Variants in DESI2 observed in about 807,000 individuals in gnomAD.
DESI2 encodes desumoylating isopeptidase 2.
A neutral mutation model predicts 24.1 loss-of-function variants in DESI2; 10 were observed. The observed-to-expected ratio is 0.41, with a 90% confidence interval of 0.26 to 0.70. The LOEUF (loss-of-function observed/expected upper bound fraction) is 0.70, where lower values mean the gene tolerates loss of function less well. Ranked by LOEUF, DESI2 falls within the 30% of genes least tolerant of loss-of-function variation. The probability of loss-of-function intolerance (pLI) is 0.29; values close to 1 mark genes in which losing one functional copy is unlikely to be tolerated. For synonymous variants in DESI2, 71 were observed against 87.7 expected (o/e 0.81, Z 1.06); for missense variants, 122 against 234.9 (o/e 0.52, Z 3.14).
Position 244,689,486 on chromosome 1 carries a change from C to G in DESI2, c.209+144C>G. On this transcript the variant is annotated intron_variant, in intron 3 of 4. Transcript: ENST00000302550. The surrounding 1 kb of genome is among the most constrained non-coding windows in gnomAD (Gnocchi z 4.0). ...TTAATTGCTGACATTTTATATAACT[C>G]AAGTTTGCCTCAGGAAACTCATTTC... 1 of 548,130 alleles carries G rather than the reference C, an allele frequency of 1.8e-6. No individual in the cohort carries two copies. Among genetic ancestry groups the G allele is most frequent in the African/African-American group, 2.0e-5 (1 of 50,670 alleles). The allele number at this position is 548,130 out of a possible 1,614,324, so 34.0% of individuals were successfully genotyped here.
chr1:244,695,076 T>C (rs1178932300), intron 4 of DESI2, among the ~76,000 whole-genome samples: 1 of 152,244 alleles, frequency 6.6e-6, no homozygotes, highest in Admixed American at 6.5e-5. Context: ...TTCATTTCTC[T>C]AAGCTGCCAT....
rs1676932562 is a variant in DESI2, at chr1:244,689,194, T to C, written c.116-55T>C. The C allele has an allele frequency of 1.2e-5, 10 of 866,686 alleles. No homozygotes were observed. Among genetic ancestry groups the C allele is most frequent in the Non-Finnish European group, 1.9e-5 (10 of 514,746 alleles). The allele number at this position is 866,686 out of a possible 1,614,324, so 53.7% of individuals were successfully genotyped here. ...CTCAATTATTAAAGCTAATTCAGCATTCTGGTTAAATTTTATGTGATACAT... is the reference window on the plus strand; with the variant it reads ...CTCAATTATTAAAGCTAATTCAGCACTCTGGTTAAATTTTATGTGATACAT... On this transcript the variant is annotated intron_variant, in intron 2 of 4. Transcript: ENST00000302550. This position sits in a 1 kb window ranked among gnomAD's most constrained non-coding sequence, Gnocchi z 4.0.
At chr1:244,704,474 A>G (rs573629821) in intron 4 of DESI2, among the ~76,000 whole-genome samples, 17 of 152,314 alleles carry the variant, frequency 1.1e-4, no homozygotes, top group Admixed American at 1.0e-3. Context: ...TCCTAAGGAC[A>G]GTATAAGGAC....
intron 1 of DESI2, 129 bp downstream of exon 1, chr1:244,653,484 C>G (rs1425116774): frequency 4.2e-6 from 4 of 941,204 alleles, no homozygotes; most frequent in Non-Finnish European, 6.2e-6. Flanking sequence ...TCGGGGGAAG[C>G]CGGGGGTGAA....
intron 4 of DESI2, among the ~76,000 whole-genome samples, chr1:244,700,086 C>G (rs997331073): frequency 2.6e-5 from 4 of 152,170 alleles, no homozygotes; most frequent in South Asian, 2.1e-4. Context: ...GGAGTGGAAA[C>G]CTGTTTTCCT....
chr1:244,673,608 T>G (rs1377951510), intron 1 of DESI2, among the ~76,000 whole-genome samples: 1 of 152,226 alleles, frequency 6.6e-6, no homozygotes, highest in Non-Finnish European at 1.5e-5. Context: ...TTCAAGAAAC[T>G]AATTGGACTG....
chr1:244,694,775 C>T, intron 4 of DESI2: 7 of 570,564 alleles, frequency 1.2e-5, no homozygotes, highest in South Asian at 2.1e-5. Context: ...AGAACACAGC[C>T]ATGCTTATTT....
chr1:244,654,569 A>T (rs1019666476), intron 1 of DESI2, among the ~76,000 whole-genome samples: 2 of 152,192 alleles, frequency 1.3e-5, no homozygotes, highest in African/African-American at 2.4e-5. Context: ...GTGAGCCTGG[A>T]GATGAAAGGA....
At chr1:244,665,189 G>A (rs1048999347) in intron 1 of DESI2, among the ~76,000 whole-genome samples, 1 of 151,072 alleles carries the variant, frequency 6.6e-6, no homozygotes, top group African/African-American at 2.4e-5. Context: ...AGTGTTTTCA[G>A]TATGCCACTA....
At chr1:244,677,914 T>C (rs1400556492) in intron 1 of DESI2, among the ~76,000 whole-genome samples, 1 of 152,126 alleles carries the variant, frequency 6.6e-6, no homozygotes, top group Non-Finnish European at 1.5e-5. Flanking sequence ...AGTGAGACCC[T>C]GTCTCTAAAA....
rs140442575 is a variant in DESI2 at position 244,658,424 on chromosome 1, T to C, written c.42+5069T>C. ...TGATCACCTGCAACCTCCTGCTTGC[T>C]CCTTCTGGCTGTAGCTTAGTCTTTA... On this transcript the variant is annotated intron_variant, in intron 1 of 4. Transcript: ENST00000302550. Among the ~76,000 whole-genome samples the C allele has an allele frequency of 2.5e-4, 38 of 152,310 alleles. 1 individual carries two copies. Among genetic ancestry groups the C allele is most frequent in the African/African-American group, 8.9e-4 (37 of 41,564 alleles).
intron 1 of DESI2, among the ~76,000 whole-genome samples, chr1:244,655,212 G>A (rs888125699): frequency 3.3e-5 from 5 of 152,162 alleles, no homozygotes; most frequent in African/African-American, 1.2e-4. Flanking sequence ...TGTAAAATAG[G>A]TAGTTAGAGA....
chr1:244,703,528 G>A (rs1051469735), intron 4 of DESI2, among the ~76,000 whole-genome samples: 4 of 151,934 alleles, frequency 2.6e-5, no homozygotes, highest in African/African-American at 9.7e-5. Context: ...GCAAATTTGT[G>A]TGTGTGTAAA....
In DESI2 at chr1:244,707,728, A is replaced by G. The variant is rs1172619528; in HGVS notation, c.*1939A>G. 6.6e-6 allele frequency: 1 copy of G among 152,234 alleles called. No individual in the cohort carries two copies. The highest frequency in any genetic ancestry group is 2.4e-5 in the African/African-American group (1 of 41,464). 9.4% of individuals were successfully genotyped at this position (152,234 alleles called of 1,614,324 possible). On this transcript the variant is annotated 3_prime_UTR_variant, in exon 5 of 5. Transcript: ENST00000302550. ...GGCTACTGACACACACACAGTAGCC[A>G]TTAGTTAGACTCTTCTTAGTGAATA...
chr1:244,699,268 G>A (rs1677343816), intron 4 of DESI2, among the ~76,000 whole-genome samples: 1 of 152,084 alleles, frequency 6.6e-6, no homozygotes, highest in Non-Finnish European at 1.5e-5. Flanking sequence ...AAAATGGCAT[G>A]TCTTTCTGGT....
chr1:244,701,495 T>C (rs1435293026), intron 4 of DESI2, among the ~76,000 whole-genome samples: 2 of 152,084 alleles, frequency 1.3e-5, no homozygotes, highest in Non-Finnish European at 2.9e-5. Context: ...CAAAATTCTA[T>C]AGGCAGGTAA....
At chr1:244,692,631 C>T (rs1677070291) in intron 4 of DESI2, among the ~76,000 whole-genome samples, 1 of 152,184 alleles carries the variant, frequency 6.6e-6, no homozygotes, top group Non-Finnish European at 1.5e-5. Context: ...GTGGCAGCGT[C>T]CAGGTGCCAC....
In DESI2 at chr1:244,691,863, C is replaced by CT; in HGVS notation, c.210-11dup. 1 of 1,527,764 alleles carries CT rather than the reference C, an allele frequency of 6.5e-7. No individual in the cohort carries two copies. The highest frequency in any genetic ancestry group is 8.7e-7 in the Non-Finnish European group (1 of 1,145,454). The allele number at this position is 1,527,764 out of a possible 1,614,324, so 94.6% of individuals were successfully genotyped here. ...CCTTATTTTTCTTTCTCTTTTTTTT[C>CT]TTTTTGTTCTTTAAGAGAAGCTGTT... On this transcript the variant is annotated splice_polypyrimidine_tract_variant and intron_variant, in intron 3 of 4. Coordinates refer to ENST00000302550, the MANE Select transcript of DESI2 (RefSeq NM_016076.5).
At position 244,661,216 on chromosome 1, in the gene DESI2, CTG is replaced by C. The variant is rs1675828195; in HGVS notation, c.42+7863_42+7864del. The stretch of plus-strand genomic sequence containing the variant: ...TCCCTGGTAATCATCATTCTGCTTT[CTG>C]TCTCTGTGCATTTGACTAGATAACC... On this transcript the variant is annotated intron_variant, in intron 1 of 4. Transcript: ENST00000302550. Among the ~76,000 whole-genome samples the C allele has an allele frequency of 2.6e-5, 4 of 152,288 alleles. No individual in the cohort carries two copies. In the South Asian group the frequency reaches 8.3e-4, roughly 32 times the overall value.
Sources: allele counts gnomAD v4.1 joint callset (sites outside exome capture counted in the v4.1 genomes callset), GRCh38; gene constraint gnomAD v4.1.1; non-coding constraint Gnocchi (gnomAD v3.1); transcripts MANE v1.5; gene names NCBI Gene and HGNC (gene_info 2026-07-23, HGNC 2026-07-21).